The following ITGAV variants were observed in gnomAD, a reference collection of about 807,000 sequenced individuals.
ITGAV encodes the protein integrin alpha-V.
In ITGAV, 76 loss-of-function variants were observed where a neutral mutation model predicts 143.8. The observed-to-expected ratio is 0.53, with a 90% CI of 0.44 to 0.64. The LOEUF (loss-of-function observed/expected upper bound fraction) is 0.64, where lower values mean the gene tolerates loss of function less well. ITGAV is among the 30% of genes least tolerant of loss of function. ITGAV has a pLI of 0.00. For synonymous variants in ITGAV, 453 were observed against 446.7 expected, an observed-to-expected ratio of 1.01 and a Z score of -0.18; for missense variants, 1,193 against 1,274.7, an observed-to-expected ratio of 0.94 and a Z score of 0.98.
chr2:186,598,292 T>TACACACACACAC (rs762146049), intron 1 of ITGAV, among the ~76,000 whole-genome samples: 7 of 43,744 alleles, frequency 1.6e-4, no homozygotes, highest in African/African-American at 4.7e-4. Context: ...TATTATAATT[T>TACACACACACAC]ATACACACAC....
At position 186,630,869 on chromosome 2, in the gene ITGAV, A is replaced by G. The variant is rs779526481; in HGVS notation, c.585+11A>G. On this transcript the variant is annotated intron_variant, in intron 5 of 29. Transcript: ENST00000261023. The stretch of plus-strand genomic sequence containing the variant: ...ATTGATTTTACTAAAGTAAGTTCTT[A>G]TTTAAGACTGAATGAGATTCACATC... 4 of 1,476,222 alleles carry G rather than the reference A, an allele frequency of 2.7e-6. No homozygotes were observed. In the South Asian group the frequency reaches 3.5e-5, roughly 13 times the overall value. 91.4% of individuals were successfully genotyped at this position (1,476,222 alleles called of 1,614,324 possible).
intron 1 of ITGAV, among the ~76,000 whole-genome samples, chr2:186,599,062 G>A (rs1686826621): frequency 6.6e-6 from 1 of 152,162 alleles, no homozygotes; most frequent in Admixed American, 6.5e-5. Flanking sequence ...CCATATTTAA[G>A]ATGTACATTC....
chr2:186,646,419 T>A (rs888751329), intron 12 of ITGAV, among the ~76,000 whole-genome samples: 1 of 152,196 alleles, frequency 6.6e-6, no homozygotes, highest in Admixed American at 6.5e-5. Context: ...ATTAATGTCT[T>A]TTCTGTACAG....
chr2:186,616,546 G>A (rs943394190), intron 2 of ITGAV, among the ~76,000 whole-genome samples: 19 of 151,936 alleles, frequency 1.3e-4, no homozygotes, highest in African/African-American at 4.3e-4. Flanking sequence ...CCAAAGTGCT[G>A]GGATTACAGG....
intron 2 of ITGAV, among the ~76,000 whole-genome samples, chr2:186,606,680 A>G (rs1321088289): frequency 2.0e-5 from 3 of 152,052 alleles, no homozygotes; most frequent in Admixed American, 6.6e-5. Context: ...TTTCCCTTGA[A>G]CATGTATCTT....
chr2:186,663,686 A>T, intron 18 of ITGAV, 82 bp from the exon 19 acceptor site: 1 of 952,334 alleles, frequency 1.1e-6, no homozygotes, highest in South Asian at 1.4e-5. Context: ...ATATAGGCTT[A>T]ACCACATAGA....
At chr2:186,633,971 T>A (rs1687887018) in intron 6 of ITGAV, among the ~76,000 whole-genome samples, 1 of 152,100 alleles carries the variant, frequency 6.6e-6, no homozygotes, top group Non-Finnish European at 1.5e-5. Flanking sequence ...GAAGTTGTAG[T>A]GAGCCAAGAT....
At chr2:186,654,592 A>G in intron 15 of ITGAV, 58 bp from the exon 16 acceptor site, 1 of 852,244 alleles carries the variant, frequency 1.2e-6, no homozygotes, top group Non-Finnish European at 1.9e-6. Context: ...GTGGGTGATA[A>G]TAAAAATATG....
At position 186,638,339 on chromosome 2, in the gene ITGAV, A is replaced by G. The variant is rs1688003901; in HGVS notation, c.846+19A>G. Reference sequence around the variant, plus strand: ...GGGAATGGTAGGACAGTTAAAAGGTATTTTTTAAAAAATCTCTAAGTTATC... The same window carrying G: ...GGGAATGGTAGGACAGTTAAAAGGTGTTTTTTAAAAAATCTCTAAGTTATC... On this transcript the variant is annotated intron_variant, in intron 9 of 29. Coordinates refer to ENST00000261023, the MANE Select transcript of ITGAV (RefSeq NM_002210.5). The G allele has an allele frequency of 1.2e-6, 2 of 1,612,352 alleles. No individual in the cohort carries two copies. The highest frequency in any genetic ancestry group is 1.7e-4 in the Middle Eastern group (1 of 6,056).
chr2:186,649,824 T>A lies in ITGAV; in HGVS notation c.1352-16T>A. The A allele has an allele frequency of 6.4e-7, 1 of 1,552,206 alleles. No homozygotes were observed. Among genetic ancestry groups the A allele is most frequent in the Non-Finnish European group, 8.8e-7 (1 of 1,137,654 alleles). On this transcript the variant is annotated splice_polypyrimidine_tract_variant and intron_variant, in intron 13 of 29. Transcript: ENST00000261023. The stretch of plus-strand genomic sequence containing the variant: ...ACCATTATCATTATTAACATGTTTT[T>A]CCACTCTTTCTTAAGACTTAATTGT...
rs370004257 is a variant in ITGAV at position 186,629,749 on chromosome 2, G to A, written c.524-1048G>A. Among the ~76,000 whole-genome samples, 83 of 152,122 alleles carry A rather than the reference G, an allele frequency of 5.5e-4. 2 individuals are homozygous for A. The highest frequency in any genetic ancestry group is 5.4e-3 in the South Asian group (26 of 4,818). The stretch of plus-strand genomic sequence containing the variant: ...TTCCTGTATTTGGGTGGCAAACAAA[G>A]TAACAGTACAGCTTTAATGTATTTG... On this transcript the variant is annotated intron_variant, in intron 4 of 29. Coordinates refer to ENST00000261023, the MANE Select transcript of ITGAV (RefSeq NM_002210.5).
At position 186,608,623 on chromosome 2, in the gene ITGAV, T is replaced by C. The variant is rs186858234; in HGVS notation, c.316+6472T>C. 5.3e-5 allele frequency among the ~76,000 whole-genome samples: 8 copies of C among 152,280 alleles called. No individual in the cohort carries two copies. In the East Asian group the frequency reaches 1.5e-3, roughly 29 times the overall value. ...TATTAAGCTGAATTTTTTGTTGATTTTTTTTTTCTTACTGATGTTATAGTA... is the reference window on the plus strand; with the variant it reads ...TATTAAGCTGAATTTTTTGTTGATTCTTTTTTTCTTACTGATGTTATAGTA... On this transcript the variant is annotated intron_variant, in intron 2 of 29. Coordinates refer to ENST00000261023, the MANE Select transcript of ITGAV (RefSeq NM_002210.5).
At chr2:186,669,599 A>C (rs1689006831) in intron 25 of ITGAV, 102 bp from the exon 26 acceptor site, 1 of 752,066 alleles carries the variant, frequency 1.3e-6, no homozygotes, top group Non-Finnish European at 2.2e-6. Flanking sequence ...CTAAATTTTC[A>C]TTCACTATTT....
At chr2:186,599,176 C>G (rs1330785472) in intron 1 of ITGAV, among the ~76,000 whole-genome samples, 1 of 152,168 alleles carries the variant, frequency 6.6e-6, no homozygotes, top group Non-Finnish European at 1.5e-5. Context: ...ATGGTGATAG[C>G]ATTTTAGGAC....
intron 12 of ITGAV, among the ~76,000 whole-genome samples, chr2:186,644,306 TTTTG>T (rs1217766016): frequency 4.0e-5 from 6 of 151,850 alleles, no homozygotes; most frequent in Non-Finnish European, 5.9e-5. Context: ...TCTTTGGTTT[TTTTG>T]TTTGTTTGTT....
At chr2:186,674,117 G>T (rs1689142125) in intron 26 of ITGAV, among the ~76,000 whole-genome samples, 2 of 152,146 alleles carry the variant, frequency 1.3e-5, no homozygotes, top group Admixed American at 6.5e-5. Flanking sequence ...AGGATTATAG[G>T]TGCACCCACC....
At chr2:186,619,232 A>T (rs1248809721) in intron 2 of ITGAV, among the ~76,000 whole-genome samples, 1 of 151,966 alleles carries the variant, frequency 6.6e-6, no homozygotes, top group Non-Finnish European at 1.5e-5. Context: ...CATAAAAAGA[A>T]TGAAGTCCTG....
intron 1 of ITGAV, among the ~76,000 whole-genome samples, chr2:186,597,133 C>G (rs1364241994): frequency 6.6e-6 from 1 of 152,126 alleles, no homozygotes. Context: ...CAGGCTTGTT[C>G]CTGGTATTAT....
chr2:186,649,896 T>TCG lies in ITGAV; in HGVS notation c.1397+12_1397+13insGC. ...AGCTATCTTATACAGGTGAGCATTT[T>TCG]CTGTATCCTGCGGTATAGGAATATT... On this transcript the variant is annotated intron_variant, in intron 14 of 29. Coordinates refer to ENST00000261023, the MANE Select transcript of ITGAV (RefSeq NM_002210.5). 6.5e-7 allele frequency: 1 copy of TCG among 1,546,558 alleles called. No individual in the cohort carries two copies. Among genetic ancestry groups the TCG allele is most frequent in the Non-Finnish European group, 8.8e-7 (1 of 1,135,618 alleles).
Sources: gnomAD v4.1 joint callset for allele counts (sites outside exome capture counted in the v4.1 genomes callset) on GRCh38, gnomAD v4.1.1 for gene constraint, MANE v1.5 for transcripts, NCBI Gene and HGNC (gene_info 2026-07-23, HGNC 2026-07-21) for gene names.